Variants in PLXDC2 observed in about 807,000 individuals in gnomAD.
PLXDC2 encodes plexin domain containing 2, also known as plexin domain-containing protein 2.
In PLXDC2, 40 loss-of-function variants were observed where a neutral mutation model predicts 68.9. That is an observed-to-expected ratio of 0.58 (90% CI 0.45 to 0.76). The LOEUF (loss-of-function observed/expected upper bound fraction) is 0.76, where lower values mean the gene tolerates loss of function less well. PLXDC2 is among the 30% of genes least tolerant of loss of function. The pLI is 0.00. For missense variants in PLXDC2, 644 were observed against 661.9 expected, an observed-to-expected ratio of 0.97 and a Z score of 0.30; for synonymous variants, 243 against 234.2, an observed-to-expected ratio of 1.04 and a Z score of -0.34.
chr10:20,083,409 G>C (rs904409480), intron 4 of PLXDC2, among the ~76,000 whole-genome samples: 3 of 150,092 alleles, frequency 2.0e-5, no homozygotes, highest in Non-Finnish European at 2.9e-5. Flanking sequence ...CCCGGGAGGC[G>C]GAGCTTGCAG....
intron 7 of PLXDC2, among the ~76,000 whole-genome samples, chr10:20,174,640 T>C (rs929292753): frequency 1.3e-5 from 2 of 151,848 alleles, no homozygotes; most frequent in African/African-American, 4.8e-5. Flanking sequence ...ATGGGGCCTG[T>C]TGTGGGGTGG....
At chr10:19,973,285 T>TATATATACTC (rs1266365739) in intron 1 of PLXDC2, among the ~76,000 whole-genome samples, 1 of 111,284 alleles carries the variant, frequency 9.0e-6, no homozygotes, top group African/African-American at 3.3e-5. Flanking sequence ...TGTATACACA[T>TATATATACTC]ACATATATAT....
intron 4 of PLXDC2, among the ~76,000 whole-genome samples, chr10:20,107,914 G>T (rs1833512353): frequency 1.3e-5 from 2 of 152,074 alleles, no homozygotes; most frequent in South Asian, 4.2e-4. Flanking sequence ...AGAAGATTAT[G>T]CCTAAGGAAA....
intron 1 of PLXDC2, among the ~76,000 whole-genome samples, chr10:19,969,906 A>C (rs1834321876): frequency 6.6e-6 from 1 of 152,236 alleles, no homozygotes; most frequent in African/African-American, 2.4e-5. Context: ...TACTGCATAC[A>C]ATCCAGAGGT....
chr10:19,837,419 T>A (rs945630012), intron 1 of PLXDC2, among the ~76,000 whole-genome samples: 56 of 141,952 alleles, frequency 3.9e-4, no homozygotes, highest in African/African-American at 8.1e-4. Context: ...AGTGTGTGTG[T>A]GTGTGTGTGT....
rs1399898967 is a variant in PLXDC2 at position 20,044,209 on chromosome 10, CTGTCTTTCTTTCTTTCTTTCTTTCTT to C, written c.325-2658_325-2633del. ...TCTTTCTTTCTCTCTCTCTCTCTCT[CTGTCTTTCTTTCTTTCTTTCTTTCTT>C]TCTTTCTTTCTTTCTTTCTTTCTTT... On this transcript the variant is annotated intron_variant, in intron 2 of 13. Transcript: ENST00000377252. Among the ~76,000 whole-genome samples, 286 of 91,576 alleles carry C rather than the reference CTGTCTTTCTTTCTTTCTTTCTTTCTT, an allele frequency of 3.1e-3. 6 individuals carry two copies. Among genetic ancestry groups the C allele is most frequent in the African/African-American group, 0.013 (259 of 20,602 alleles). The allele number at this position is 91,576 out of a possible 152,430, so 60.1% of individuals were successfully genotyped here.
intron 1 of PLXDC2, among the ~76,000 whole-genome samples, chr10:19,875,083 G>A (rs924751354): frequency 1.3e-5 from 2 of 152,124 alleles, no homozygotes. Context: ...TCAGAATGAA[G>A]GTGCAAAAAT....
intron 2 of PLXDC2, among the ~76,000 whole-genome samples, chr10:20,030,733 G>A (rs1328692374): frequency 2.6e-5 from 4 of 152,080 alleles, no homozygotes; most frequent in Non-Finnish European, 4.4e-5. Context: ...AGAGGTGAGC[G>A]CTGATTAGTT....
intron 2 of PLXDC2, among the ~76,000 whole-genome samples, chr10:20,044,273 CTTTCTTTCTTTCTTTCTTTCTTCTT>C: frequency 1.0e-5 from 1 of 97,200 alleles, no homozygotes; most frequent in Middle Eastern, 4.6e-3. Flanking sequence ...TTCTTTCTTT[CTTTCTTTCTTTCTTTCTTTCTTCTT>C]TCTCTCTCTC....
intron 2 of PLXDC2, among the ~76,000 whole-genome samples, chr10:20,005,244 G>A (rs565618576): frequency 6.6e-6 from 1 of 152,308 alleles, no homozygotes; most frequent in African/African-American, 2.4e-5. Flanking sequence ...AGTATCCATA[G>A]GAGGGTAATT....
At chr10:19,991,245 T>TAA (rs1834744771) in intron 1 of PLXDC2, among the ~76,000 whole-genome samples, 1 of 121,354 alleles carries the variant, frequency 8.2e-6, no homozygotes, top group African/African-American at 3.3e-5. Flanking sequence ...AAACTCTCTC[T>TAA]CAAAAAAAAA....
In PLXDC2 at chr10:19,988,025, C is replaced by T. The variant is rs372576002; in HGVS notation, c.113-13750C>T. Among the ~76,000 whole-genome samples the T allele has an allele frequency of 1.2e-3, 177 of 152,282 alleles. 1 individual carries two copies. The highest frequency in any genetic ancestry group is 4.2e-3 in the African/African-American group (174 of 41,550). On this transcript the variant is annotated intron_variant, in intron 1 of 13. Transcript: ENST00000377252. ...TTAGACTCTTACCACCAAATAATTA[C>T]ACTTTTTCTTCTCCCAGCCTTTGTT...
At chr10:20,000,128 C>T (rs1215913076) in intron 1 of PLXDC2, among the ~76,000 whole-genome samples, 1 of 152,128 alleles carries the variant, frequency 6.6e-6, no homozygotes, top group Non-Finnish European at 1.5e-5. Context: ...GAGTACTATC[C>T]AATGGCCAGT....
chr10:20,198,752 T>G (rs1180264975), intron 9 of PLXDC2, among the ~76,000 whole-genome samples: 1 of 152,172 alleles, frequency 6.6e-6, no homozygotes, highest in Non-Finnish European at 1.5e-5. Flanking sequence ...TACCTTGTTT[T>G]TGTCACATAA....
chr10:20,157,852 A>G (rs1007254520), intron 6 of PLXDC2, among the ~76,000 whole-genome samples: 4 of 152,234 alleles, frequency 2.6e-5, no homozygotes, highest in Admixed American at 2.6e-4. Flanking sequence ...AGAAGTATTC[A>G]TGAATGCTTT....
intron 1 of PLXDC2, among the ~76,000 whole-genome samples, chr10:19,843,825 A>C (rs1165381760): frequency 6.6e-6 from 1 of 152,186 alleles, no homozygotes; most frequent in Non-Finnish European, 1.5e-5. Flanking sequence ...GTATAAACAT[A>C]CAGTTTGATA....
At chr10:19,973,314 A>ATATATATGTATACATATATATGTGTG (rs1834390407) in intron 1 of PLXDC2, among the ~76,000 whole-genome samples, 3 of 136,934 alleles carry the variant, frequency 2.2e-5, no homozygotes, top group Admixed American at 7.3e-5. Flanking sequence ...ATATACTCAC[A>ATATATATGTATACATATATATGTGTG]TATATATGTA....
intron 1 of PLXDC2, among the ~76,000 whole-genome samples, chr10:19,910,008 C>G (rs1369169466): frequency 6.6e-6 from 1 of 152,004 alleles, no homozygotes; most frequent in Non-Finnish European, 1.5e-5. Context: ...ATCAAAAATC[C>G]GTGTTTTGCC....
intron 1 of PLXDC2, among the ~76,000 whole-genome samples, chr10:19,855,329 C>G (rs1430100268): frequency 1.3e-5 from 2 of 152,074 alleles, no homozygotes; most frequent in African/African-American, 4.8e-5. Context: ...TTTTGAAGTC[C>G]TTGAAATGGA....
Sources: gnomAD v4.1 joint callset for allele counts (sites outside exome capture counted in the v4.1 genomes callset) on GRCh38, gnomAD v4.1.1 for gene constraint, MANE v1.5 for transcripts, NCBI Gene and HGNC (gene_info 2026-07-23, HGNC 2026-07-21) for gene names.